NME7: variants seen among roughly 807,000 people sequenced by gnomAD.
NME7 encodes nucleoside diphosphate kinase 7.
In NME7, 41 loss-of-function variants were observed where a neutral mutation model predicts 49.1. The observed-to-expected ratio is 0.83, with a 90% CI of 0.65 to 1.08. NME7 has a LOEUF of 1.08. Among genes scored for constraint, NME7 ranks in the 50% least tolerant of loss-of-function variants. NME7 has a pLI of 0.00. For missense variants in NME7, 423 were observed against 463.4 expected (o/e 0.91, Z 0.80); for synonymous variants, 139 against 150.6 (o/e 0.92, Z 0.56).
chr1:169,296,184 C>G (rs995362748), intron 6 of NME7, among the ~76,000 whole-genome samples: 1 of 152,168 alleles, frequency 6.6e-6, no homozygotes, highest in Non-Finnish European at 1.5e-5. Context: ...TATTCACTAA[C>G]TACAATTCCC....
intron 10 of NME7, among the ~76,000 whole-genome samples, chr1:169,185,983 C>T (rs1215205812): frequency 6.6e-6 from 1 of 152,016 alleles, no homozygotes; most frequent in Non-Finnish European, 1.5e-5. Context: ...CTTCTCTAGG[C>T]CTTTCAATCT....
At chr1:169,167,187 AT>A (rs1351441577) in intron 11 of NME7, among the ~76,000 whole-genome samples, 3 of 143,826 alleles carry the variant, frequency 2.1e-5, no homozygotes, top group African/African-American at 7.5e-5. Context: ...AGCCATTTAA[AT>A]AAAATAAATT....
intron 10 of NME7, among the ~76,000 whole-genome samples, chr1:169,181,592 C>G (rs1171104086): frequency 2.0e-5 from 3 of 152,116 alleles, no homozygotes; most frequent in Admixed American, 1.3e-4. Flanking sequence ...TGCATCCTAT[C>G]AAAATGCTCA....
intron 6 of NME7, among the ~76,000 whole-genome samples, chr1:169,289,814 G>A (rs1367575373): frequency 1.3e-5 from 2 of 151,958 alleles, no homozygotes; most frequent in African/African-American, 2.4e-5. Flanking sequence ...TTAGTGAAAC[G>A]TGAATAAGAG....
At chr1:169,218,605 G>T (rs1203717952) in intron 10 of NME7, among the ~76,000 whole-genome samples, 25 of 132,806 alleles carry the variant, frequency 1.9e-4, no homozygotes, top group Non-Finnish European at 4.9e-5. Context: ...GCAAAGCAAA[G>T]AAAAAATAAT....
rs80164397 is a variant in NME7 at position 169,145,381 on chromosome 1, G to A, written c.1099-12564C>T. 6.3e-3 allele frequency among the ~76,000 whole-genome samples: 961 copies of A among 152,228 alleles called. 10 individuals are homozygous for A. The highest frequency in any genetic ancestry group is 0.022 in the African/African-American group (901 of 41,536). ...ACAGTGTGATTGGGTAGAATCCAAC[G>A]AGACGGCTAATTCACTCAATTCTGT... On this transcript the variant is annotated intron_variant, in intron 11 of 11. Coordinates refer to ENST00000367811, the MANE Select transcript of NME7 (RefSeq NM_013330.5).
At chr1:169,186,827 T>C (rs543589289) in intron 10 of NME7, among the ~76,000 whole-genome samples, 1 of 152,304 alleles carries the variant, frequency 6.6e-6, no homozygotes, top group East Asian at 1.9e-4. Flanking sequence ...TCTCTGGTTT[T>C]TTTAATTGTG....
At chr1:169,177,484 A>T (rs956846577) in intron 10 of NME7, among the ~76,000 whole-genome samples, 1 of 152,124 alleles carries the variant, frequency 6.6e-6, no homozygotes, top group Non-Finnish European at 1.5e-5. Flanking sequence ...GCTTTCATTA[A>T]GAGAAAATGC....
chr1:169,164,069 C>A (rs1039590595), intron 11 of NME7, among the ~76,000 whole-genome samples: 1 of 150,096 alleles, frequency 6.7e-6, no homozygotes. Flanking sequence ...GAGACTGCAC[C>A]ACTGCACTCC....
chr1:169,314,436 C>T (rs75961272), intron 3 of NME7, among the ~76,000 whole-genome samples: 12,559 of 151,574 alleles, frequency 0.083, 704 homozygotes, highest in Admixed American at 0.19. Flanking sequence ...TAAATACTAA[C>T]TGTATATAGA....
At chr1:169,175,349 C>T (rs1002911785) in intron 10 of NME7, among the ~76,000 whole-genome samples, 8 of 152,102 alleles carry the variant, frequency 5.3e-5, no homozygotes, top group Non-Finnish European at 1.0e-4. Flanking sequence ...GGCTCTTTTA[C>T]AGTTAACTTT....
chr1:169,291,616 C>T (rs1000372995), intron 6 of NME7, among the ~76,000 whole-genome samples: 3 of 151,304 alleles, frequency 2.0e-5, no homozygotes, highest in Non-Finnish European at 4.4e-5. Context: ...TAAACCTGCA[C>T]GTTACGCACA....
chr1:169,273,264 G>A (rs1649557206), intron 7 of NME7, among the ~76,000 whole-genome samples: 1 of 129,100 alleles, frequency 7.7e-6, no homozygotes, highest in African/African-American at 2.6e-5. Flanking sequence ...CTGTGTCCAT[G>A]TGTTTTCATT....
At chr1:169,151,580 C>A (rs1347567856) in intron 11 of NME7, among the ~76,000 whole-genome samples, 1 of 152,152 alleles carries the variant, frequency 6.6e-6, no homozygotes, top group African/African-American at 2.4e-5. Flanking sequence ...GCTAGTCCCC[C>A]CCAGGCTGTC....
intron 11 of NME7, among the ~76,000 whole-genome samples, chr1:169,153,491 T>C (rs539947524): frequency 5.9e-5 from 9 of 152,228 alleles, no homozygotes; most frequent in African/African-American, 1.9e-4. Flanking sequence ...ATTCTTCAAA[T>C]ACCATTTCAT....
At chr1:169,158,296 C>T (rs1366439505) in intron 11 of NME7, among the ~76,000 whole-genome samples, 5 of 152,248 alleles carry the variant, frequency 3.3e-5, no homozygotes, top group South Asian at 2.1e-4. Flanking sequence ...AAGAGATTAA[C>T]AATAAAATAG....
At position 169,276,430 on chromosome 1, in the gene NME7, C is replaced by T. The variant is rs1354714984; in HGVS notation, c.754+10873G>A. Among the ~76,000 whole-genome samples the T allele has an allele frequency of 4.5e-5, 6 of 133,030 alleles. 2 individuals carry two copies. Among genetic ancestry groups the T allele is most frequent in the African/African-American group, 1.5e-4 (6 of 39,292 alleles). 87.3% of individuals were successfully genotyped at this position (133,030 alleles called of 152,430 possible). On this transcript the variant is annotated intron_variant, in intron 7 of 11. Coordinates refer to ENST00000367811, the MANE Select transcript of NME7 (RefSeq NM_013330.5). ...TTTAGTCTTGGGAGAGTGTATGTGTCGAGGAATTTATCCATTTCTTCTCGA... is the reference window on the plus strand; with the variant it reads ...TTTAGTCTTGGGAGAGTGTATGTGTTGAGGAATTTATCCATTTCTTCTCGA...
chr1:169,305,035 C>T (rs1651119120), intron 4 of NME7, among the ~76,000 whole-genome samples: 1 of 152,116 alleles, frequency 6.6e-6, no homozygotes, highest in Admixed American at 6.6e-5. Context: ...TAATCTTTAA[C>T]GTCATTGAAA....
At chr1:169,163,298 G>C (rs1262455949) in intron 11 of NME7, among the ~76,000 whole-genome samples, 2 of 151,856 alleles carry the variant, frequency 1.3e-5, no homozygotes, top group Admixed American at 6.6e-5. Context: ...GCCAACAAAT[G>C]ACATCTCGTA....
Sources: gnomAD v4.1 joint callset for allele counts (sites outside exome capture counted in the v4.1 genomes callset) on GRCh38, gnomAD v4.1.1 for gene constraint, MANE v1.5 for transcripts, NCBI Gene and HGNC (gene_info 2026-07-23, HGNC 2026-07-21) for gene names.